Variants in KLHDC10 observed in about 807,000 individuals in gnomAD.
KLHDC10 encodes the protein kelch domain-containing protein 10.
In KLHDC10, 24 loss-of-function variants were observed where a neutral mutation model predicts 56.1. That is an observed-to-expected ratio of 0.43 (90% confidence interval 0.31 to 0.60). KLHDC10 has a LOEUF of 0.60. Among genes scored for constraint, KLHDC10 ranks in the 20% least tolerant of loss-of-function variants. KLHDC10 has a pLI of 0.11. For missense variants in KLHDC10, 349 were observed against 567.0 expected (o/e 0.62, Z 3.91); for synonymous variants, 188 against 207.1 (o/e 0.91, Z 0.79).
chr7:130,077,475 T>G (rs1394457889), intron 1 of KLHDC10, among the ~76,000 whole-genome samples: 1 of 151,114 alleles, frequency 6.6e-6, no homozygotes, highest in African/African-American at 2.4e-5. Context: ...ACATTTCTTA[T>G]TATGTTTATT....
At chr7:130,098,448 G>C (rs1795881863) in intron 2 of KLHDC10, among the ~76,000 whole-genome samples, 1 of 152,028 alleles carries the variant, frequency 6.6e-6, no homozygotes, top group African/African-American at 2.4e-5. Context: ...AGCCATGATT[G>C]TGCCACTGCA....
chr7:130,128,751 T>C (rs80202067), intron 8 of KLHDC10, among the ~76,000 whole-genome samples: 1,943 of 151,196 alleles, frequency 0.013, 44 homozygotes, highest in African/African-American at 0.044. Flanking sequence ...ATTAAAATTT[T>C]TTTTGAGGCC....
chr7:130,128,100 A>C (rs989698341), intron 8 of KLHDC10, among the ~76,000 whole-genome samples: 2 of 152,252 alleles, frequency 1.3e-5, no homozygotes, highest in Non-Finnish European at 2.9e-5. Flanking sequence ...TTAGCAACTT[A>C]GTTCAGATAC....
chr7:130,130,967 A>T lies in KLHDC10; in HGVS notation c.*221A>T. On this transcript the variant is annotated 3_prime_UTR_variant, in exon 10 of 10. Transcript: ENST00000335420. This position sits in a 1 kb window ranked among gnomAD's most constrained non-coding sequence, Gnocchi z 4.2. ...GCTTCTGTTCCTCCTGACCCATTACATGCACATGTACTCACATACTCCCTC... is the reference window on the plus strand; with the variant it reads ...GCTTCTGTTCCTCCTGACCCATTACTTGCACATGTACTCACATACTCCCTC... The T allele has an allele frequency of 1.9e-6, 1 of 530,938 alleles. No individual in the cohort carries two copies. The highest frequency in any genetic ancestry group is 3.4e-6 in the Non-Finnish European group (1 of 293,878). 32.9% of individuals were successfully genotyped at this position (530,938 alleles called of 1,614,324 possible).
chr7:130,121,490 A>G (rs930293816), intron 4 of KLHDC10, among the ~76,000 whole-genome samples: 4 of 152,250 alleles, frequency 2.6e-5, no homozygotes, highest in Non-Finnish European at 5.9e-5. Flanking sequence ...CGCTGGCATT[A>G]GTACTGATAA....
chr7:130,122,227 T>G (rs1796257095), intron 5 of KLHDC10, 25 bp downstream of exon 5: 1 of 1,609,182 alleles, frequency 6.2e-7, no homozygotes, highest in African/African-American at 1.3e-5. Context: ...TTCAAGCATA[T>G]TTATTCTTTC....
chr7:130,082,185 A>G (rs1795618056), intron 1 of KLHDC10, among the ~76,000 whole-genome samples: 1 of 152,122 alleles, frequency 6.6e-6, no homozygotes, highest in Non-Finnish European at 1.5e-5. Flanking sequence ...GTGGGGGCAC[A>G]TGCCTGTAAT....
chr7:130,099,642 T>C (rs191878010), intron 2 of KLHDC10, among the ~76,000 whole-genome samples: 1 of 152,148 alleles, frequency 6.6e-6, no homozygotes, highest in East Asian at 1.9e-4. Context: ...GGACATGGTG[T>C]TTTTAGAGAT....
chr7:130,112,689 CA>C (rs772121624), intron 2 of KLHDC10, among the ~76,000 whole-genome samples: 5 of 152,112 alleles, frequency 3.3e-5, no homozygotes, highest in Non-Finnish European at 5.9e-5. Context: ...ATGGTTTATC[CA>C]AAATGGAATG....
chr7:130,075,486 C>A (rs1011594292), intron 1 of KLHDC10, among the ~76,000 whole-genome samples: 1 of 152,148 alleles, frequency 6.6e-6, no homozygotes, highest in African/African-American at 2.4e-5. Context: ...TAGAAGCAAC[C>A]AATGATACAT....
intron 2 of KLHDC10, among the ~76,000 whole-genome samples, chr7:130,108,708 C>T (rs1350755037): frequency 7.1e-6 from 1 of 141,578 alleles, no homozygotes; most frequent in Non-Finnish European, 1.5e-5. Context: ...GGCGACAGAG[C>T]GAGACCCCAT....
At chr7:130,115,714 C>CA (rs11451164) in intron 2 of KLHDC10, among the ~76,000 whole-genome samples, 64,541 of 100,266 alleles carry the variant, frequency 0.64, 21,173 homozygotes, top group Middle Eastern at 0.7. Context: ...GACTTGGTCT[C>CA]AAAAAAAAAA....
intron 7 of KLHDC10, 27 bp from the exon 8 acceptor site, chr7:130,127,377 G>C (rs759741776): frequency 6.2e-7 from 1 of 1,604,926 alleles, no homozygotes; most frequent in Non-Finnish European, 8.5e-7. Context: ...GTAAGTAATG[G>C]AACTTCTGTG....
intron 1 of KLHDC10, among the ~76,000 whole-genome samples, chr7:130,073,344 G>A (rs1408121929): frequency 1.4e-5 from 2 of 144,064 alleles, no homozygotes; most frequent in African/African-American, 2.6e-5. Flanking sequence ...GGCCCAGGCT[G>A]GAGTGCAGTG....
chr7:130,105,145 T>C (rs1795991275), intron 2 of KLHDC10, among the ~76,000 whole-genome samples: 1 of 152,224 alleles, frequency 6.6e-6, no homozygotes, highest in Non-Finnish European at 1.5e-5. Context: ...AATTCTCACA[T>C]GCTGCCCTTG....
intron 2 of KLHDC10, among the ~76,000 whole-genome samples, chr7:130,109,177 G>A (rs2116890654): frequency 6.6e-6 from 1 of 151,694 alleles, no homozygotes; most frequent in South Asian, 2.1e-4. Flanking sequence ...ACAGTGCTGG[G>A]ATTACAGATG....
intron 1 of KLHDC10, among the ~76,000 whole-genome samples, chr7:130,080,389 T>C (rs1159155002): frequency 1.3e-5 from 2 of 152,124 alleles, no homozygotes; most frequent in Non-Finnish European, 2.9e-5. Flanking sequence ...TGTCCAATTA[T>C]ATCATACTTC....
At chr7:130,123,118 G>A (rs1233962810) in intron 5 of KLHDC10, among the ~76,000 whole-genome samples, 1 of 152,154 alleles carries the variant, frequency 6.6e-6, no homozygotes, top group Non-Finnish European at 1.5e-5. Flanking sequence ...CTCTCTAGTT[G>A]CCTTCTAGTA....
At chr7:130,108,697 G>C (rs1475382490) in intron 2 of KLHDC10, among the ~76,000 whole-genome samples, 2 of 148,804 alleles carry the variant, frequency 1.3e-5, no homozygotes, top group African/African-American at 4.9e-5. Context: ...ACTCCAGCCT[G>C]GGCGACAGAG....
Sources: gnomAD v4.1 joint callset for allele counts (sites outside exome capture counted in the v4.1 genomes callset) on GRCh38, gnomAD v4.1.1 for gene constraint, Gnocchi (gnomAD v3.1) non-coding constraint, MANE v1.5 for transcripts, NCBI Gene and HGNC (gene_info 2026-07-23, HGNC 2026-07-21) for gene names.